Variants in GRPEL1 observed in about 807,000 individuals in gnomAD.
GRPEL1 encodes grpE protein homolog 1, mitochondrial.
GRPEL1 carries 13 observed loss-of-function variants against 22.1 expected under a neutral mutation model. That is an observed-to-expected ratio of 0.59 (90% CI 0.38 to 0.94). The LOEUF (loss-of-function observed/expected upper bound fraction) is 0.94. Ranked by LOEUF, GRPEL1 falls within the 40% of genes least tolerant of loss-of-function variation. GRPEL1 has a pLI of 0.00. For synonymous variants in GRPEL1, 109 were observed against 105.3 expected, an observed-to-expected ratio of 1.03 and a Z score of -0.21; for missense variants, 289 against 264.6, an observed-to-expected ratio of 1.09 and a Z score of -0.64.
chr4:7,062,499 T>TATAG, intron 2 of GRPEL1, 33 bp from the exon 3 acceptor site: 2 of 462,314 alleles, frequency 4.3e-6, no homozygotes, highest in Non-Finnish European at 6.4e-6. Context: ...TTTATATATA[T>TATAG]ATATATATAT....
At chr4:7,067,372 C>A (rs11946336) in intron 1 of GRPEL1, 10,017 of 153,530 alleles carry the variant, frequency 0.065, 809 homozygotes, top group African/African-American at 0.2. Context: ...TGACCTCAGA[C>A]GCTGGAGAAG....
intron 1 of GRPEL1, among the ~76,000 whole-genome samples, chr4:7,064,565 C>T (rs1724123110): frequency 6.6e-6 from 1 of 151,972 alleles, no homozygotes; most frequent in South Asian, 2.1e-4. Flanking sequence ...GAGAGTCTTG[C>T]TCTGTCACCC....
chr4:7,062,488 A>G (rs1328198599), intron 2 of GRPEL1, 22 bp from the exon 3 acceptor site: 2 of 646,198 alleles, frequency 3.1e-6, no homozygotes, highest in Non-Finnish European at 4.2e-6. Flanking sequence ...AAAAAGGGAT[A>G]TTTATATATA....
Position 7,060,718 on chromosome 4 carries a change from C to T in GRPEL1, c.*144G>A, listed in dbSNP as rs149780060. 166 of 747,974 alleles carry T rather than the reference C, an allele frequency of 2.2e-4. No homozygotes were observed. The highest frequency in any genetic ancestry group is 2.0e-3 in the African/African-American group (117 of 57,302). The allele number at this position is 747,974 out of a possible 1,614,324, so 46.3% of individuals were successfully genotyped here. The stretch of plus-strand genomic sequence containing the variant: ...GAGTTCATTAATGCAGTTGGGCAAC[C>T]GGCTTTTCTGTTTAGCCACTGGTTA... On this transcript the variant is annotated 3_prime_UTR_variant, in exon 4 of 4. Coordinates refer to ENST00000264954, the MANE Select transcript of GRPEL1 (RefSeq NM_025196.4).
rs558355103 is a variant in GRPEL1, at chr4:7,063,558, C to A, written c.225+503G>T. 1.2e-4 allele frequency among the ~76,000 whole-genome samples: 19 copies of A among 152,288 alleles called. No homozygotes were observed. In the East Asian group the frequency reaches 3.7e-3, roughly 29 times the overall value. ...TGGCAGCCAGGATTAACATATGTAA[C>A]GGGTTTGGAATGGTGCCAGCACTCA... On this transcript the variant is annotated intron_variant, in intron 2 of 3. Transcript: ENST00000264954.
Position 7,067,643 on chromosome 4 carries a change from T to A in GRPEL1, c.62+328A>T. The A allele has an allele frequency of 2.0e-5, 8 of 395,362 alleles. No homozygotes were observed. The South Asian group carries it at 3.3e-4, about 16-fold the overall frequency. The allele number at this position is 395,362 out of a possible 1,614,324, so 24.5% of individuals were successfully genotyped here. ...TCTGCGCCCGTGAGCGCCGAGACCG[T>A]GAATGCGCGCGAGGCGTCGCCGCAG... is the stretch of plus-strand genomic sequence containing the variant. On this transcript the variant is annotated intron_variant, in intron 1 of 3. Transcript: ENST00000264954.
In GRPEL1 at chr4:7,062,243, CAT is replaced by C. The variant is rs1724056456; in HGVS notation, c.307+140_307+141del. 6.6e-6 allele frequency: 3 copies of C among 453,390 alleles called. No individual in the cohort carries two copies. The East Asian group carries it at 1.1e-4, about 17-fold the overall frequency. The allele number at this position is 453,390 out of a possible 1,614,324, so 28.1% of individuals were successfully genotyped here. ...CCAGACACCTTTGCTGTTGAGCCAT[CAT>C]AAAAAAAAATGCAGGGGATGCAACA... On this transcript the variant is annotated intron_variant, in intron 3 of 3. Transcript: ENST00000264954.
At chr4:7,064,009 G>C in intron 2 of GRPEL1, 52 bp downstream of exon 2, 1 of 1,576,712 alleles carries the variant, frequency 6.3e-7, no homozygotes, top group Non-Finnish European at 8.6e-7. Context: ...TGTGGCCCAG[G>C]AGAGAAACAG....
rs886272563 is a variant in GRPEL1 at position 7,060,780 on chromosome 4, C to T, written c.*82G>A. 14 of 1,257,190 alleles carry T rather than the reference C, an allele frequency of 1.1e-5. No homozygotes were observed. The highest frequency in any genetic ancestry group is 8.7e-5 in the Admixed American group (4 of 46,062). The allele number at this position is 1,257,190 out of a possible 1,614,324, so 77.9% of individuals were successfully genotyped here. A position where few individuals can be genotyped will look rare whatever the true frequency, so the allele number is the denominator to read the frequency against. On this transcript the variant is annotated 3_prime_UTR_variant, in exon 4 of 4. Coordinates refer to ENST00000264954, the MANE Select transcript of GRPEL1 (RefSeq NM_025196.4). ...CAATAAGGTTTGGGAAAAGGTCACA[C>T]GTACTCATAGATGAGAAACAATGAA...
chr4:7,064,376 C>G, intron 1 of GRPEL1, 153 bp from the exon 2 acceptor site: 1 of 656,386 alleles, frequency 1.5e-6, no homozygotes, highest in Non-Finnish European at 2.5e-6. Flanking sequence ...GCACACTGTA[C>G]GTGACATATA....
chr4:7,066,010 C>T (rs746615950), intron 1 of GRPEL1, among the ~76,000 whole-genome samples: 31 of 152,250 alleles, frequency 2.0e-4, no homozygotes, highest in Admixed American at 9.2e-4. Context: ...TCCACCAACA[C>T]GCTCGGCTAA....
intron 1 of GRPEL1, among the ~76,000 whole-genome samples, chr4:7,065,592 TACCTAGCTTGGGGAATGGAAA>T (rs1424744943): frequency 6.6e-6 from 1 of 150,606 alleles, no homozygotes; most frequent in African/African-American, 2.4e-5. Context: ...TAGAAGGAGA[TACCTAGCTTGGGGAATGGAAA>T]ACCATGAAAG....
Position 7,059,838 on chromosome 4 carries a change from G to GTGTT in GRPEL1, c.*1020_*1023dup, listed in dbSNP as rs1723994788. The GTGTT allele has an allele frequency of 6.6e-6, 1 of 152,254 alleles. No homozygotes were observed. Among genetic ancestry groups the GTGTT allele is most frequent in the African/African-American group, 2.4e-5 (1 of 41,458 alleles). 9.4% of individuals were successfully genotyped at this position (152,254 alleles called of 1,614,324 possible). A position where few individuals can be genotyped will look rare whatever the true frequency, so the allele number is the denominator to read the frequency against. ...CCTGTGCCCTTGCTGTGGCTCCTGGGTGTTTCGTATTCTTACCGGACGGGC... is the reference window on the plus strand; with the variant it reads ...CCTGTGCCCTTGCTGTGGCTCCTGGGTGTTTGTTTCGTATTCTTACCGGACGGGC... On this transcript the variant is annotated 3_prime_UTR_variant, in exon 4 of 4. Coordinates refer to ENST00000264954, the MANE Select transcript of GRPEL1 (RefSeq NM_025196.4).
Position 7,068,029 on chromosome 4 carries a change from C to T in GRPEL1, c.4G>A (p.Ala2Thr), listed in dbSNP as rs760261432. Residue 2 changes from alanine (A) to threonine (T), a missense_variant, in exon 1 of 4, where the codon GCG becomes ACG. Transcript: ENST00000264954. M[A>T]AQCVRLARRS... The stretch of plus-strand genomic sequence containing the variant: ...CGCGCCAACCTCACGCACTGAGCCG[C>T]CATGACTGCCACTGCCCGTCGCAGT... The T allele has an allele frequency of 9.9e-6, 16 of 1,612,698 alleles. No homozygotes were observed. Among genetic ancestry groups the T allele is most frequent in the Middle Eastern group, 3.3e-4 (2 of 6,084 alleles).
chr4:7,062,512 ATATCTT>A (rs777524256), intron 2 of GRPEL1, 46 bp from the exon 3 acceptor site: 23 of 286,820 alleles, frequency 8.0e-5, no homozygotes, highest in Admixed American at 3.5e-4. Flanking sequence ...ATATATATAT[ATATCTT>A]TTTTTTTGAG....
chr4:7,062,402 TCCA>T lies in GRPEL1; in HGVS notation c.287_289del (p.Val96del). 1.9e-6 allele frequency: 3 copies of T among 1,585,792 alleles called. No individual in the cohort carries two copies. The highest frequency in any genetic ancestry group is 2.6e-6 in the Non-Finnish European group (3 of 1,158,524). On this transcript the variant is annotated inframe_deletion, in exon 3 of 4. Coordinates refer to ENST00000264954, the MANE Select transcript of GRPEL1 (RefSeq NM_025196.4). Reference sequence around the variant, plus strand: ...GAAAGTACCGTATAATTTTGCCTCCTCCACCAATTTCTGGCTCCTCTGCCGTAA... The same window carrying T: ...GAAAGTACCGTATAATTTTGCCTCCTCCAATTTCTGGCTCCTCTGCCGTAA...
In GRPEL1 at chr4:7,062,503, T is replaced by A. The variant is rs1160585486; in HGVS notation, c.226-37A>T. The A allele has an allele frequency of 3.4e-6, 2 of 594,946 alleles. 1 individual carries two copies. Among genetic ancestry groups the A allele is most frequent in the South Asian group, 8.2e-5 (2 of 24,484 alleles). The allele number at this position is 594,946 out of a possible 1,614,324, so 36.9% of individuals were successfully genotyped here. A position where few individuals can be genotyped will look rare whatever the true frequency, so the allele number is the denominator to read the frequency against. ...AAAAAGGGATATTTATATATATATA[T>A]ATATATATATATCTTTTTTTTTGAG... On this transcript the variant is annotated intron_variant, in intron 2 of 3. Coordinates refer to ENST00000264954, the MANE Select transcript of GRPEL1 (RefSeq NM_025196.4).
chr4:7,060,687 G>A lies in GRPEL1; in HGVS notation c.*175C>T, dbSNP rs781643597. 330 of 648,464 alleles carry A rather than the reference G, an allele frequency of 5.1e-4. No individual in the cohort carries two copies. The highest frequency in any genetic ancestry group is 8.1e-4 in the Non-Finnish European group (300 of 368,702). 40.2% of individuals were successfully genotyped at this position (648,464 alleles called of 1,614,324 possible). A position where few individuals can be genotyped will look rare whatever the true frequency, so the allele number is the denominator to read the frequency against. ...TGGCACTAAAAGGGAACAGACTCCC[G>A]AATTAGAGTTCATTAATGCAGTTGG... On this transcript the variant is annotated 3_prime_UTR_variant, in exon 4 of 4. Transcript: ENST00000264954.
At chr4:7,065,829 G>C (rs1265574713) in intron 1 of GRPEL1, among the ~76,000 whole-genome samples, 2 of 150,294 alleles carry the variant, frequency 1.3e-5, no homozygotes, top group Non-Finnish European at 3.0e-5. Flanking sequence ...TTAAAACCTA[G>C]ATTTCTTCAC....
Sources: gnomAD v4.1 joint callset for allele counts (sites outside exome capture counted in the v4.1 genomes callset) on GRCh38, gnomAD v4.1.1 for gene constraint, MANE v1.5 for transcripts, NCBI Gene and HGNC (gene_info 2026-07-23, HGNC 2026-07-21) for gene names.